Variants in ZDHHC14 observed in about 807,000 individuals in gnomAD.
ZDHHC14 encodes zDHHC palmitoyltransferase 14.
A neutral mutation model predicts 47.7 loss-of-function variants in ZDHHC14; 16 were observed. The ratio of observed to expected loss-of-function variants is 0.34; its 90% CI spans 0.23 to 0.51. The LOEUF (loss-of-function observed/expected upper bound fraction) is 0.51, where lower values mean the gene tolerates loss of function less well. Among genes scored for constraint, ZDHHC14 ranks in the 20% least tolerant of loss-of-function variants. The pLI, the probability that ZDHHC14 is intolerant of heterozygous loss-of-function variation, is 0.97. For synonymous variants in ZDHHC14, 293 were observed against 278.9 expected, an observed-to-expected ratio of 1.05 and a Z score of -0.50; for missense variants, 515 against 662.5, an observed-to-expected ratio of 0.78 and a Z score of 2.44.
chr6:157,583,226 C>T (rs1028659435), intron 2 of ZDHHC14, among the ~76,000 whole-genome samples: 1 of 152,050 alleles, frequency 6.6e-6, no homozygotes. Context: ...TGTCTTTCAG[C>T]CATTTCAGCC....
intron 3 of ZDHHC14, among the ~76,000 whole-genome samples, chr6:157,622,216 C>CAAAAAA (rs35681787): frequency 7.5e-4 from 70 of 93,808 alleles, no homozygotes; most frequent in African/African-American, 2.5e-3. Context: ...ACTAAAAATA[C>CAAAAAA]AAAAAAAAAA....
intron 2 of ZDHHC14, among the ~76,000 whole-genome samples, chr6:157,567,489 A>G (rs766264649): frequency 6.6e-6 from 1 of 152,166 alleles, no homozygotes; most frequent in Non-Finnish European, 1.5e-5. Context: ...GAGGTCCATG[A>G]CAACTGAAAA....
At chr6:157,598,994 TA>T in intron 3 of ZDHHC14, among the ~76,000 whole-genome samples, 1 of 152,350 alleles carries the variant, frequency 6.6e-6, no homozygotes, top group East Asian at 1.9e-4. Flanking sequence ...AAAAAAACTT[TA>T]AAAAACTTTT....
chr6:157,501,598 T>A (rs1263314425), intron 1 of ZDHHC14, among the ~76,000 whole-genome samples: 1 of 152,256 alleles, frequency 6.6e-6, no homozygotes, highest in Non-Finnish European at 1.5e-5. Flanking sequence ...AGTGCATTCA[T>A]GTTCAGAGAG....
At chr6:157,468,595 A>G (rs1165111076) in intron 1 of ZDHHC14, among the ~76,000 whole-genome samples, 1 of 152,210 alleles carries the variant, frequency 6.6e-6, no homozygotes, top group East Asian at 1.9e-4. Context: ...AAGACAAAGT[A>G]TGTTTTCAGA....
chr6:157,652,581 G>A lies in ZDHHC14; in HGVS notation c.966-944G>A, dbSNP rs1334020111. 2.0e-5 allele frequency among the ~76,000 whole-genome samples: 3 copies of A among 152,270 alleles called. No homozygotes were observed. The East Asian group carries it at 5.8e-4, about 29-fold the overall frequency. ...AGGCAACTTTACCCCACCTTCTAAT[G>A]AGCCCAGCACCGTAGAGTACAGAAA... On this transcript the variant is annotated intron_variant, in intron 7 of 8. Coordinates refer to ENST00000359775, the MANE Select transcript of ZDHHC14 (RefSeq NM_024630.3).
intron 2 of ZDHHC14, among the ~76,000 whole-genome samples, chr6:157,560,136 T>G (rs959298110): frequency 1.3e-5 from 2 of 152,194 alleles, no homozygotes; most frequent in Non-Finnish European, 2.9e-5. Context: ...GGCTCTAAAG[T>G]CATGCCCACG....
intron 5 of ZDHHC14, among the ~76,000 whole-genome samples, chr6:157,643,649 A>AT: frequency 3.4e-5 from 3 of 87,900 alleles, no homozygotes; most frequent in African/African-American, 5.1e-5. Context: ...ACTTCATCTC[A>AT]AATATATATA....
intron 1 of ZDHHC14, among the ~76,000 whole-genome samples, chr6:157,494,870 A>G (rs1780016916): frequency 6.6e-6 from 1 of 152,192 alleles, no homozygotes; most frequent in African/African-American, 2.4e-5. Context: ...TGCCAGGGAC[A>G]GTCAAACCAA....
At chr6:157,395,517 C>T (rs752684191) in intron 1 of ZDHHC14, among the ~76,000 whole-genome samples, 13 of 150,876 alleles carry the variant, frequency 8.6e-5, no homozygotes, top group South Asian at 4.4e-4. Context: ...CAAGTTCCGC[C>T]GGGCGCGGTG....
chr6:157,457,158 G>A (rs984531570), intron 1 of ZDHHC14, among the ~76,000 whole-genome samples: 1 of 132,912 alleles, frequency 7.5e-6, no homozygotes, highest in South Asian at 2.6e-4. Flanking sequence ...TGGGTGACAA[G>A]AGTGAAACTC....
At position 157,428,450 on chromosome 6, in the gene ZDHHC14, A is replaced by T. The variant is rs559156545; in HGVS notation, c.245+46184A>T. Among the ~76,000 whole-genome samples the T allele has an allele frequency of 3.3e-5, 5 of 152,292 alleles. No homozygotes were observed. In the South Asian group the frequency reaches 6.2e-4, roughly 19 times the overall value. ...TTAGGTGGAATGACAAGTAATTGAG[A>T]GTAAAAATTCCCATTAAAAAAAAAA... On this transcript the variant is annotated intron_variant, in intron 1 of 8. Coordinates refer to ENST00000359775, the MANE Select transcript of ZDHHC14 (RefSeq NM_024630.3).
intron 3 of ZDHHC14, among the ~76,000 whole-genome samples, chr6:157,596,416 T>C (rs928210574): frequency 1.3e-5 from 2 of 152,156 alleles, no homozygotes; most frequent in African/African-American, 4.8e-5. Context: ...GCACAGTAAA[T>C]AAATGTCACT....
At chr6:157,512,224 C>A (rs947669521) in intron 1 of ZDHHC14, among the ~76,000 whole-genome samples, 1 of 152,170 alleles carries the variant, frequency 6.6e-6, no homozygotes, top group Non-Finnish European at 1.5e-5. Flanking sequence ...AGTGTGGAGC[C>A]GGGATTTGAA....
At chr6:157,643,156 C>G (rs541412764) in intron 5 of ZDHHC14, among the ~76,000 whole-genome samples, 1 of 152,194 alleles carries the variant, frequency 6.6e-6, no homozygotes, top group Non-Finnish European at 1.5e-5. Context: ...TGACACACCC[C>G]AGTGATGCCA....
intron 3 of ZDHHC14, among the ~76,000 whole-genome samples, chr6:157,602,404 C>T (rs762413560): frequency 1.5e-4 from 22 of 148,240 alleles, no homozygotes; most frequent in African/African-American, 4.5e-4. Flanking sequence ...GCAGGAGAAT[C>T]GCTTGAACCT....
chr6:157,548,005 A>G (rs1001773655), intron 2 of ZDHHC14, among the ~76,000 whole-genome samples: 3 of 151,752 alleles, frequency 2.0e-5, no homozygotes, highest in Non-Finnish European at 4.4e-5. Context: ...TGAGTAGTCT[A>G]CTGGCTGTGG....
rs181076908 is a variant in ZDHHC14, at chr6:157,662,965, T to C, written c.1068+9338T>C. ...GTTAAATTTAGCACTCATGAAAATT[T>C]TATGACAGTTTAGAAATGATTTGTA... On this transcript the variant is annotated intron_variant, in intron 8 of 8. Transcript: ENST00000359775. Among the ~76,000 whole-genome samples, 68 of 152,374 alleles carry C rather than the reference T, an allele frequency of 4.5e-4. 1 individual carries two copies. Among genetic ancestry groups the C allele is most frequent in the African/African-American group, 1.3e-3 (56 of 41,592 alleles).
intron 1 of ZDHHC14, among the ~76,000 whole-genome samples, chr6:157,470,986 C>T (rs911850119): frequency 2.0e-5 from 3 of 152,150 alleles, no homozygotes; most frequent in African/African-American, 7.2e-5. Context: ...GTGGAGCAAC[C>T]GGTCAGTCGT....
Sources: allele counts gnomAD v4.1 joint callset (sites outside exome capture counted in the v4.1 genomes callset), GRCh38; gene constraint gnomAD v4.1.1; transcripts MANE v1.5; gene names NCBI Gene and HGNC (gene_info 2026-07-23, HGNC 2026-07-21).